Variants in NAV2 observed in about 807,000 individuals in gnomAD.
The protein encoded by NAV2 is neuron navigator 2.
NAV2 carries 54 observed loss-of-function variants against 223.2 expected under a neutral mutation model. The observed-to-expected ratio is 0.24, with a 90% CI of 0.19 to 0.30. The LOEUF (loss-of-function observed/expected upper bound fraction) is 0.30, where lower values mean the gene tolerates loss of function less well. Ranked by LOEUF, NAV2 falls within the 10% of genes least tolerant of loss-of-function variation. The probability of loss-of-function intolerance (pLI) is 1.00; values close to 1 mark genes in which losing one functional copy is unlikely to be tolerated. For missense variants in NAV2, 2,806 were observed against 3,147.5 expected (o/e 0.89, Z 2.60); for synonymous variants, 1,279 against 1,239.3 (o/e 1.03, Z -0.67).
intron 1 of NAV2, among the ~76,000 whole-genome samples, chr11:19,801,668 C>T (rs2058269239): frequency 6.6e-6 from 1 of 152,118 alleles, no homozygotes; most frequent in Non-Finnish European, 1.5e-5. Context: ...TGGAATCTGC[C>T]CCCATCTTCT....
chr11:19,880,340 T>C (rs993924699), intron 5 of NAV2, among the ~76,000 whole-genome samples: 9 of 152,314 alleles, frequency 5.9e-5, no homozygotes, highest in African/African-American at 2.2e-4. Context: ...TAGGTCAGAA[T>C]TGCCAGCAGC....
At chr11:19,809,242 A>G (rs1273984413) in intron 1 of NAV2, among the ~76,000 whole-genome samples, 1 of 152,220 alleles carries the variant, frequency 6.6e-6, no homozygotes, top group Admixed American at 6.5e-5. Flanking sequence ...TCACATACCC[A>G]TGTATGTTGT....
chr11:19,578,679 T>C (rs920759640), intron 1 of NAV2, among the ~76,000 whole-genome samples: 6 of 152,258 alleles, frequency 3.9e-5, no homozygotes, highest in African/African-American at 1.4e-4. Flanking sequence ...GTGCAATATG[T>C]TGACCATCTA....
chr11:19,809,268 C>T (rs11025262), intron 1 of NAV2, among the ~76,000 whole-genome samples: 33,077 of 152,122 alleles, frequency 0.22, 4,417 homozygotes, highest in East Asian at 0.48. Context: ...TGTTTACACA[C>T]ACATGAGAGT....
intron 10 of NAV2, among the ~76,000 whole-genome samples, chr11:19,980,395 C>A (rs1031346680): frequency 6.6e-6 from 1 of 152,202 alleles, no homozygotes; most frequent in East Asian, 1.9e-4. Context: ...TTATTTATCT[C>A]TCCAAGGAGA....
At chr11:19,685,942 C>CAA (rs1445244046) in intron 1 of NAV2, among the ~76,000 whole-genome samples, 2 of 152,064 alleles carry the variant, frequency 1.3e-5, no homozygotes, top group Non-Finnish European at 2.9e-5. Flanking sequence ...TGTGACTTTC[C>CAA]AACTTAAAAC....
intron 1 of NAV2, among the ~76,000 whole-genome samples, chr11:19,398,128 G>A (rs773008186): frequency 1.3e-5 from 2 of 152,124 alleles, no homozygotes; most frequent in Non-Finnish European, 2.9e-5. Flanking sequence ...ACTCAATACT[G>A]CAGGCTGTGT....
At chr11:19,358,799 CCTT>C (rs1349030285) in intron 1 of NAV2, among the ~76,000 whole-genome samples, 2 of 152,116 alleles carry the variant, frequency 1.3e-5, no homozygotes, top group East Asian at 3.9e-4. Flanking sequence ...AAATATTTCT[CCTT>C]GTTTCCACTG....
chr11:19,485,392 G>A (rs1031732300), intron 1 of NAV2, among the ~76,000 whole-genome samples: 1 of 152,186 alleles, frequency 6.6e-6, no homozygotes, highest in Non-Finnish European at 1.5e-5. Context: ...ATCAGAAAGA[G>A]CAAGTTGCTT....
chr11:19,951,478 G>A (rs2047392982), intron 10 of NAV2, among the ~76,000 whole-genome samples: 1 of 152,038 alleles, frequency 6.6e-6, no homozygotes, highest in Non-Finnish European at 1.5e-5. Context: ...TTGTTTAGAA[G>A]ACTTTTGGTA....
intron 10 of NAV2, 37 bp downstream of exon 10, chr11:19,949,117 A>T: frequency 1.3e-6 from 2 of 1,542,286 alleles, no homozygotes; most frequent in Non-Finnish European, 1.7e-6. Flanking sequence ...CCAGAGAGAA[A>T]GAGGGCTTGG....
At chr11:20,079,469 A>G (rs2085746518) in intron 24 of NAV2, among the ~76,000 whole-genome samples, 1 of 152,198 alleles carries the variant, frequency 6.6e-6, no homozygotes, top group African/African-American at 2.4e-5. Flanking sequence ...CCTCATGAGA[A>G]AAACTATCTG....
intron 1 of NAV2, among the ~76,000 whole-genome samples, chr11:19,528,876 G>C (rs1434957261): frequency 1.4e-5 from 2 of 138,942 alleles, no homozygotes; most frequent in Admixed American, 7.8e-5. Context: ...TTTGCAGTTA[G>C]CTGAGATCAT....
Position 19,655,391 on chromosome 11 carries a change from G to A in NAV2, c.76-177093G>A, listed in dbSNP as rs1222545712. ...ATTTGACCCAGCCATCCCATTAATGGGTATATACCCAAAGGATTATAAATC... is the reference window on the plus strand; with the variant it reads ...ATTTGACCCAGCCATCCCATTAATGAGTATATACCCAAAGGATTATAAATC... On this transcript the variant is annotated intron_variant, in intron 1 of 37. Coordinates refer to the NAV2 transcript ENST00000360655. Among the ~76,000 whole-genome samples the A allele has an allele frequency of 2.0e-5, 3 of 152,016 alleles. No homozygotes were observed. The South Asian group carries it at 6.2e-4, about 32-fold the overall frequency.
intron 5 of NAV2, among the ~76,000 whole-genome samples, chr11:19,880,555 T>C (rs958190638): frequency 2.0e-5 from 3 of 152,064 alleles, no homozygotes. Context: ...AGAACAGAAA[T>C]ATAGAGGGCA....
At chr11:19,529,853 A>G (rs963514198) in intron 1 of NAV2, among the ~76,000 whole-genome samples, 6 of 152,280 alleles carry the variant, frequency 3.9e-5, no homozygotes, top group Non-Finnish European at 7.3e-5. Context: ...GGTTCCAGTC[A>G]GAAAGATAAT....
At chr11:19,440,939 C>T (rs1479877638) in intron 1 of NAV2, among the ~76,000 whole-genome samples, 1 of 152,314 alleles carries the variant, frequency 6.6e-6, no homozygotes, top group Non-Finnish European at 1.5e-5. Flanking sequence ...TGCAGTTTGA[C>T]CTTGCTGTCA....
chr11:19,675,785 C>G (rs894051440), intron 1 of NAV2, among the ~76,000 whole-genome samples: 2 of 152,112 alleles, frequency 1.3e-5, no homozygotes, highest in African/African-American at 4.8e-5. Flanking sequence ...TGCTCAAGTC[C>G]CCTCGAAACT....
In NAV2 at chr11:19,595,198, C is replaced by A. The variant is rs576788449; in HGVS notation, c.76-237286C>A. On this transcript the variant is annotated intron_variant, in intron 1 of 37. Coordinates refer to the NAV2 transcript ENST00000360655. Reference sequence around the variant, plus strand: ...CTTCCAGTCCTTATTGGTGGAGGGTCACTCCTGGGGCATTCATTCCACCAC... The same window carrying A: ...CTTCCAGTCCTTATTGGTGGAGGGTAACTCCTGGGGCATTCATTCCACCAC... Among the ~76,000 whole-genome samples, 4 of 152,260 alleles carry A rather than the reference C, an allele frequency of 2.6e-5. No homozygotes were observed. The East Asian group carries it at 7.7e-4, about 29-fold the overall frequency.
Sources: gnomAD v4.1 joint callset for allele counts (sites outside exome capture counted in the v4.1 genomes callset) on GRCh38, gnomAD v4.1.1 for gene constraint, MANE v1.5 for transcripts, NCBI Gene and HGNC (gene_info 2026-07-23, HGNC 2026-07-21) for gene names.